The following ATP8B4 variants were observed in gnomAD, a reference collection of about 807,000 sequenced individuals.
ATP8B4 encodes the protein ATPase phospholipid transporting 8B4 (putative).
Under a neutral mutation model 145.6 loss-of-function variants are expected in ATP8B4, and 133 were observed. The observed-to-expected ratio is 0.91, with a 90% confidence interval of 0.79 to 1.05. The LOEUF is 1.05. ATP8B4 is among the 50% of genes least tolerant of loss of function. ATP8B4 has a pLI of 0.00. For synonymous variants in ATP8B4, 507 were observed against 492.9 expected, an observed-to-expected ratio of 1.03 and a Z score of -0.38; for missense variants, 1,458 against 1,425.2, an observed-to-expected ratio of 1.02 and a Z score of -0.37.
rs1491231135 is a variant in ATP8B4 at position 50,009,553 on chromosome 15, A to ATC, written c.435+1291_435+1292insGA. 3 of 376,102 alleles carry ATC rather than the reference A, an allele frequency of 8.0e-6. No individual in the cohort carries two copies. In the Admixed American group the frequency reaches 1.1e-4, roughly 14 times the overall value. 23.3% of individuals were successfully genotyped at this position (376,102 alleles called of 1,614,324 possible). ...TTTACTGTCACTGAAAGAATGAAGC[A>ATC]AAGTCTCAGTTCTCTCCCAGTTCCC... is the stretch of plus-strand genomic sequence containing the variant. On this transcript the variant is annotated intron_variant, in intron 7 of 27. Coordinates refer to ENST00000284509, the MANE Select transcript of ATP8B4 (RefSeq NM_024837.4).
At chr15:50,143,000 A>T (rs182568049) in intron 1 of ATP8B4, among the ~76,000 whole-genome samples, 1 of 152,342 alleles carries the variant, frequency 6.6e-6, no homozygotes, top group African/African-American at 2.4e-5. Flanking sequence ...TGCTTAGCTT[A>T]GGAGAGAAGC....
At chr15:50,038,404 A>C (rs1037768898) in intron 6 of ATP8B4, among the ~76,000 whole-genome samples, 1 of 152,226 alleles carries the variant, frequency 6.6e-6, no homozygotes, top group African/African-American at 2.4e-5. Flanking sequence ...TCTCTCTAGC[A>C]ATATTCCCCA....
chr15:49,965,382 C>T (rs12442475), intron 13 of ATP8B4, among the ~76,000 whole-genome samples: 73,539 of 152,000 alleles, frequency 0.48, 19,024 homozygotes, highest in Non-Finnish European at 0.57. Flanking sequence ...TTTCCTTTAC[C>T]TCCTGAGATT....
At chr15:50,135,865 AT>A (rs1417233841) in intron 1 of ATP8B4, among the ~76,000 whole-genome samples, 1 of 152,216 alleles carries the variant, frequency 6.6e-6, no homozygotes, top group Admixed American at 6.5e-5. Context: ...CTACAGAAGA[AT>A]GCTAAATTCT....
At chr15:50,039,168 A>T (rs1467715514) in intron 5 of ATP8B4, among the ~76,000 whole-genome samples, 3 of 152,224 alleles carry the variant, frequency 2.0e-5, no homozygotes, top group Non-Finnish European at 4.4e-5. Flanking sequence ...TGTCTTTAAC[A>T]AGGAATGGGG....
At chr15:50,001,057 C>CTT (rs138509049) in intron 8 of ATP8B4, among the ~76,000 whole-genome samples, 5 of 150,932 alleles carry the variant, frequency 3.3e-5, no homozygotes, top group African/African-American at 1.2e-4. Flanking sequence ...TGTGTCTTCT[C>CTT]TTTTTTTTTC....
intron 1 of ATP8B4, among the ~76,000 whole-genome samples, chr15:50,129,706 G>T (rs1358179783): frequency 6.6e-6 from 1 of 152,052 alleles, no homozygotes; most frequent in Non-Finnish European, 1.5e-5. Context: ...TTAATTAATG[G>T]CCAGTATTGA....
intron 14 of ATP8B4, among the ~76,000 whole-genome samples, chr15:49,944,330 C>T (rs1359769521): frequency 6.6e-6 from 1 of 152,036 alleles, no homozygotes; most frequent in African/African-American, 2.4e-5. Context: ...AAGAAACTCA[C>T]TTGAGATTTA....
intron 1 of ATP8B4, among the ~76,000 whole-genome samples, chr15:50,158,800 C>T (rs2044471044): frequency 6.6e-6 from 1 of 152,186 alleles, no homozygotes; most frequent in Non-Finnish European, 1.5e-5. Flanking sequence ...GATCTATGAC[C>T]TTACCCCCAA....
At chr15:49,931,426 T>G in intron 15 of ATP8B4, 119 bp from the exon 16 acceptor site, 2 of 975,872 alleles carry the variant, frequency 2.0e-6, no homozygotes, top group Admixed American at 5.5e-5. Context: ...TAAAAATCTT[T>G]CCTGTCCTCA....
chr15:49,876,638 C>T (rs1315555253), intron 24 of ATP8B4, 115 bp from the exon 25 acceptor site: 1 of 1,371,088 alleles, frequency 7.3e-7, no homozygotes, highest in Non-Finnish European at 1.0e-6. Flanking sequence ...AAATGCACTA[C>T]TCACTGGGCC....
At chr15:50,174,097 T>C (rs1380334859) in intron 1 of ATP8B4, among the ~76,000 whole-genome samples, 2 of 152,200 alleles carry the variant, frequency 1.3e-5, no homozygotes, top group Non-Finnish European at 2.9e-5. Flanking sequence ...CCAGCATCTC[T>C]TTATGATTAA....
chr15:49,952,268 G>A (rs1030868434), intron 14 of ATP8B4, among the ~76,000 whole-genome samples: 1 of 152,172 alleles, frequency 6.6e-6, no homozygotes, highest in Non-Finnish European at 1.5e-5. Context: ...AGTTCTCCTG[G>A]ATAATATCCT....
intron 2 of ATP8B4, among the ~76,000 whole-genome samples, chr15:50,099,398 G>C (rs2056203359): frequency 6.6e-6 from 1 of 152,052 alleles, no homozygotes; most frequent in Non-Finnish European, 1.5e-5. Flanking sequence ...TCCCACCTCA[G>C]TCCCCCAAGG....
intron 2 of ATP8B4, among the ~76,000 whole-genome samples, chr15:50,085,519 G>A (rs2054844211): frequency 6.6e-6 from 1 of 152,048 alleles, no homozygotes; most frequent in South Asian, 2.1e-4. Context: ...CGTAACATAA[G>A]AATCTAGGGC....
chr15:50,125,952 T>C (rs1391889888), intron 1 of ATP8B4, among the ~76,000 whole-genome samples: 4 of 152,202 alleles, frequency 2.6e-5, no homozygotes, highest in African/African-American at 9.6e-5. Context: ...CCTCTAGTTA[T>C]ATCTATTTTG....
intron 12 of ATP8B4, among the ~76,000 whole-genome samples, chr15:49,978,673 T>C (rs750157724): frequency 6.6e-5 from 10 of 151,720 alleles, no homozygotes; most frequent in East Asian, 2.0e-4. Context: ...GGCTCAGCCT[T>C]GTTAGGATTA....
At chr15:50,160,310 G>A (rs775528250) in intron 1 of ATP8B4, among the ~76,000 whole-genome samples, 6 of 151,172 alleles carry the variant, frequency 4.0e-5, no homozygotes, top group Non-Finnish European at 8.9e-5. Flanking sequence ...CTAAAGATTT[G>A]TGAATTTTAT....
At chr15:50,062,893 T>G (rs2053125892) in intron 3 of ATP8B4, among the ~76,000 whole-genome samples, 1 of 152,158 alleles carries the variant, frequency 6.6e-6, no homozygotes, top group Non-Finnish European at 1.5e-5. Flanking sequence ...AAATCGTCTT[T>G]CTTAGGACAA....
Sources: allele counts gnomAD v4.1 joint callset (sites outside exome capture counted in the v4.1 genomes callset), GRCh38; gene constraint gnomAD v4.1.1; transcripts MANE v1.5; gene names NCBI Gene and HGNC (gene_info 2026-07-23, HGNC 2026-07-21).